LRP12: variants seen among roughly 807,000 people sequenced by gnomAD.
The protein encoded by LRP12 is low-density lipoprotein receptor-related protein 12.
In LRP12, 14 loss-of-function variants were observed where a neutral mutation model predicts 66.0. That is an observed-to-expected ratio of 0.21 (90% confidence interval 0.14 to 0.33). LRP12 has a LOEUF of 0.33. LRP12 is among the 10% of genes least tolerant of loss of function. LRP12 has a pLI of 1.00. For missense variants in LRP12, 889 were observed against 1,053.4 expected (o/e 0.84, Z 2.16); for synonymous variants, 357 against 359.1 (o/e 0.99, Z 0.07).
chr8:104,549,824 C>T (rs1337912038), intron 1 of LRP12, among the ~76,000 whole-genome samples: 4 of 152,148 alleles, frequency 2.6e-5, no homozygotes, highest in African/African-American at 9.7e-5. Context: ...ATTGACTCAG[C>T]TCTATCTCCA....
chr8:104,549,400 C>CT (rs66644217), intron 1 of LRP12, among the ~76,000 whole-genome samples: 81,780 of 116,418 alleles, frequency 0.7, 29,765 homozygotes, highest in Admixed American at 0.75. Flanking sequence ...TCTGAATCCA[C>CT]TTTTTTTTTT....
In LRP12 at chr8:104,588,832, G is replaced by A. The variant is rs776722740; in HGVS notation, c.66C>T (p.Leu22=). Residue 22 remains leucine, a synonymous_variant, in exon 1 of 7, where the codon CTC becomes CTT. Coordinates refer to ENST00000276654, the MANE Select transcript of LRP12 (RefSeq NM_013437.5). The part of the protein sequence containing the change: ...RWRSALLLLF[L]AGVYGNGALA... ...GCGGACACTTACCGTACACCCCAGC[G>A]AGGAAAAGCAAGAGCAACGCAGACC... 42 of 1,612,590 alleles carry A rather than the reference G, an allele frequency of 2.6e-5. No homozygotes were observed. In the Admixed American group the frequency reaches 4.2e-4, roughly 16 times the overall value.
intron 6 of LRP12, among the ~76,000 whole-genome samples, chr8:104,492,121 T>A (rs1268817211): frequency 1.3e-5 from 2 of 152,084 alleles, no homozygotes; most frequent in Non-Finnish European, 2.9e-5. Flanking sequence ...AATAAAGGAA[T>A]TATATTTGTA....
chr8:104,586,360 C>A (rs1812333308), intron 1 of LRP12, among the ~76,000 whole-genome samples: 1 of 152,220 alleles, frequency 6.6e-6, no homozygotes, highest in Non-Finnish European at 1.5e-5. Flanking sequence ...AGAGTCATTT[C>A]ATTTAAGAGT....
intron 1 of LRP12, among the ~76,000 whole-genome samples, chr8:104,548,609 A>G (rs1009275221): frequency 1.8e-5 from 2 of 110,602 alleles, no homozygotes; most frequent in African/African-American, 8.3e-5. Context: ...GAATTATATA[A>G]TTAAATTAAT....
intron 6 of LRP12, among the ~76,000 whole-genome samples, chr8:104,493,264 T>C (rs534660111): frequency 7.9e-5 from 12 of 152,354 alleles, no homozygotes; most frequent in Non-Finnish European, 1.6e-4. Context: ...AATTACATCA[T>C]TACTTATTTT....
chr8:104,580,135 A>G lies in LRP12; in HGVS notation c.79+8684T>C, dbSNP rs903486936. 5.3e-5 allele frequency among the ~76,000 whole-genome samples: 8 copies of G among 152,324 alleles called. No homozygotes were observed. The South Asian group carries it at 8.3e-4, about 16-fold the overall frequency. On this transcript the variant is annotated intron_variant, in intron 1 of 6. Transcript: ENST00000276654. ...AGCAAAGGAAACGGTCAACAGAGTG[A>G]ATAGGCTACCTACAGAATGGGAGAA...
intron 1 of LRP12, among the ~76,000 whole-genome samples, chr8:104,586,076 TCTC>T (rs1812326919): frequency 6.6e-6 from 1 of 152,218 alleles, no homozygotes; most frequent in East Asian, 1.9e-4. Context: ...ACCTTTACTC[TCTC>T]CTAACTCTTA....
chr8:104,511,428 C>T (rs1049453416), intron 2 of LRP12, among the ~76,000 whole-genome samples: 3 of 151,888 alleles, frequency 2.0e-5, no homozygotes, highest in Admixed American at 6.6e-5. Flanking sequence ...TAGGACACTA[C>T]AGCCTTGAAT....
chr8:104,498,248 CATGTGCAGG>C (rs1228046340), intron 4 of LRP12, among the ~76,000 whole-genome samples, 172 bp from the exon 5 acceptor site: 3 of 152,132 alleles, frequency 2.0e-5, no homozygotes, highest in Admixed American at 1.3e-4. Context: ...TTCCAGGGTA[CATGTGCAGG>C]ATGTGCAGGT....
At chr8:104,518,029 C>G (rs1811096344) in intron 2 of LRP12, among the ~76,000 whole-genome samples, 1 of 152,088 alleles carries the variant, frequency 6.6e-6, no homozygotes, top group African/African-American at 2.4e-5. Context: ...GCATAAAAAT[C>G]AGGTACCTCC....
At chr8:104,553,243 A>G (rs1277345036) in intron 1 of LRP12, among the ~76,000 whole-genome samples, 2 of 152,152 alleles carry the variant, frequency 1.3e-5, no homozygotes, top group South Asian at 2.1e-4. Context: ...GGGGAGGGGG[A>G]AAATGGGGAG....
intron 1 of LRP12, among the ~76,000 whole-genome samples, chr8:104,582,691 T>TATAA (rs1370549864): frequency 7.9e-5 from 12 of 152,148 alleles, no homozygotes. Context: ...CCTTGTAATT[T>TATAA]AAGTCCATCT....
chr8:104,588,290 C>G (rs1016669342), intron 1 of LRP12, among the ~76,000 whole-genome samples: 1 of 151,568 alleles, frequency 6.6e-6, no homozygotes, highest in African/African-American at 2.4e-5. Context: ...CCCTTGCCCC[C>G]GAGGTGGAGT....
rs1302630470 is a variant in LRP12, at chr8:104,551,399, G to C, written c.80-19436C>G. Among the ~76,000 whole-genome samples the C allele has an allele frequency of 2.6e-4, 39 of 152,094 alleles. 1 individual carries two copies. ...TAATTTCAACTTTTAGATACTGGGG[G>C]TATATGTGCAGGTTTGTTACATGGG... is the stretch of plus-strand genomic sequence containing the variant. On this transcript the variant is annotated intron_variant, in intron 1 of 6. Transcript: ENST00000276654.
intron 3 of LRP12, among the ~76,000 whole-genome samples, chr8:104,500,131 G>A (rs901259906): frequency 6.6e-6 from 1 of 152,130 alleles, no homozygotes; most frequent in Non-Finnish European, 1.5e-5. Flanking sequence ...GTGGGCATAA[G>A]TATAGGCCAA....
chr8:104,573,124 C>T (rs527328611), intron 1 of LRP12, among the ~76,000 whole-genome samples: 6 of 152,206 alleles, frequency 3.9e-5, no homozygotes, highest in South Asian at 2.1e-4. Flanking sequence ...CCAGCAGCAC[C>T]GATAGTAGTA....
chr8:104,587,816 G>GAA (rs1426526570), intron 1 of LRP12, among the ~76,000 whole-genome samples: 2 of 152,184 alleles, frequency 1.3e-5, no homozygotes, highest in Non-Finnish European at 2.9e-5. Flanking sequence ...CCAAAGTAAT[G>GAA]ATATCTTCTA....
intron 2 of LRP12, among the ~76,000 whole-genome samples, chr8:104,525,416 A>G (rs1445833944): frequency 6.6e-6 from 1 of 152,134 alleles, no homozygotes; most frequent in African/African-American, 2.4e-5. Context: ...CAAGGATTTG[A>G]GGAGGAAGAA....
Sources: gnomAD v4.1 joint callset for allele counts (sites outside exome capture counted in the v4.1 genomes callset) on GRCh38, gnomAD v4.1.1 for gene constraint, MANE v1.5 for transcripts, NCBI Gene and HGNC (gene_info 2026-07-23, HGNC 2026-07-21) for gene names.